The following NAPEPLD variants were observed in gnomAD, a reference collection of about 807,000 sequenced individuals.
NAPEPLD encodes the protein N-acyl-phosphatidylethanolamine-hydrolyzing phospholipase D.
A neutral mutation model predicts 38.1 loss-of-function variants in NAPEPLD; 23 were observed. The observed-to-expected ratio is 0.60, with a 90% CI of 0.43 to 0.86. NAPEPLD has a LOEUF of 0.86. Among genes scored for constraint, NAPEPLD ranks in the 40% least tolerant of loss-of-function variants. The pLI, the probability that NAPEPLD is intolerant of heterozygous loss-of-function variation, is 0.00. For missense variants in NAPEPLD, 411 were observed against 476.8 expected, an observed-to-expected ratio of 0.86 and a Z score of 1.28; for synonymous variants, 147 against 162.0, an observed-to-expected ratio of 0.91 and a Z score of 0.71.
chr7:103,143,270 T>G (rs1464791192), intron 1 of NAPEPLD, among the ~76,000 whole-genome samples: 3 of 151,788 alleles, frequency 2.0e-5, no homozygotes, highest in Non-Finnish European at 1.5e-5. Context: ...AGAAAAGTCT[T>G]GGGGAATAAT....
intron 4 of NAPEPLD, 92 bp downstream of exon 4, chr7:103,114,968 A>G: frequency 1.1e-6 from 1 of 880,060 alleles, no homozygotes. Flanking sequence ...ATCTGATTCC[A>G]GAGTCTTGGG....
At chr7:103,110,867 C>T (rs1804375263) in intron 4 of NAPEPLD, among the ~76,000 whole-genome samples, 1 of 151,312 alleles carries the variant, frequency 6.6e-6, no homozygotes, top group Non-Finnish European at 1.5e-5. Context: ...AGCTGATAAG[C>T]AACTTCAGCA....
chr7:103,128,349 T>C (rs917245945), intron 2 of NAPEPLD, 134 bp downstream of exon 2: 11 of 1,034,936 alleles, frequency 1.1e-5, no homozygotes, highest in Non-Finnish European at 1.5e-5. Flanking sequence ...CGATGAACTT[T>C]AGGGCCTAGG....
rs1444256245 is a variant in NAPEPLD, at chr7:103,100,252, C to T, written c.*3177G>A. 1 of 152,130 alleles carries T rather than the reference C, an allele frequency of 6.6e-6. No individual in the cohort carries two copies. Among genetic ancestry groups the T allele is most frequent in the Admixed American group, 6.6e-5 (1 of 15,266 alleles). 9.4% of individuals were successfully genotyped at this position (152,130 alleles called of 1,614,324 possible). ...CTTTATAACGGTTTTTTCAAATCTACCTCCCTATTTAATGAAAGCATATTC... is the reference window on the plus strand; with the variant it reads ...CTTTATAACGGTTTTTTCAAATCTATCTCCCTATTTAATGAAAGCATATTC... On this transcript the variant is annotated 3_prime_UTR_variant, in exon 5 of 5. Transcript: ENST00000465647.
chr7:103,136,455 C>T (rs1563367871), intron 1 of NAPEPLD, among the ~76,000 whole-genome samples: 1 of 151,218 alleles, frequency 6.6e-6, no homozygotes, highest in Non-Finnish European at 1.5e-5. Flanking sequence ...TGTATGGCAG[C>T]CCGAACCTGT....
chr7:103,149,296 C>T (rs985797356), upstream of NAPEPLD: 21 of 1,079,850 alleles, frequency 1.9e-5, no homozygotes, highest in African/African-American at 1.9e-4. Flanking sequence ...TTGGGGTGGC[C>T]GGGAGCGCGC....
At chr7:103,132,886 T>C (rs1291991759) in intron 1 of NAPEPLD, among the ~76,000 whole-genome samples, 1 of 152,206 alleles carries the variant, frequency 6.6e-6, no homozygotes, top group African/African-American at 2.4e-5. Flanking sequence ...AAGTTGTCTA[T>C]TCACACAATC....
intron 1 of NAPEPLD, among the ~76,000 whole-genome samples, chr7:103,142,403 C>T (rs180942809): frequency 1.7e-3 from 254 of 152,096 alleles, no homozygotes; most frequent in Non-Finnish European, 3.0e-3. Flanking sequence ...GTCAGGAGTT[C>T]GAGACCAGCC....
At chr7:103,130,415 A>G (rs1808690451) in intron 1 of NAPEPLD, among the ~76,000 whole-genome samples, 1 of 152,208 alleles carries the variant, frequency 6.6e-6, no homozygotes, top group South Asian at 2.1e-4. Flanking sequence ...AACAAGATTT[A>G]TACTTTGGGC....
At chr7:103,141,367 C>T in intron 1 of NAPEPLD, 1 of 765,422 alleles carries the variant, frequency 1.3e-6, no homozygotes, top group East Asian at 2.5e-5. Flanking sequence ...TGGTCTCTTC[C>T]TCCTTGGACA....
upstream of NAPEPLD, chr7:103,149,613 C>CA: frequency 1.6e-6 from 1 of 644,952 alleles, no homozygotes; most frequent in African/African-American, 2.0e-5. Flanking sequence ...GCCGGGGCGC[C>CA]GAAGCCATCT....
chr7:103,149,512 CTTA>C, upstream of NAPEPLD: 3 of 1,261,172 alleles, frequency 2.4e-6, no homozygotes, highest in Non-Finnish European at 2.1e-6. Context: ...GGGTCACTCC[CTTA>C]TTATGACCTT....
At chr7:103,128,926 C>G in intron 1 of NAPEPLD, 134 bp from the exon 2 acceptor site, 1 of 977,648 alleles carries the variant, frequency 1.0e-6, no homozygotes, top group African/African-American at 1.6e-5. Context: ...CTGAAACTTT[C>G]TTCCTGCAAG....
Position 103,148,932 on chromosome 7 carries a change from T to G in NAPEPLD, c.-138A>C, listed in dbSNP as rs1425633719. ...TGCTGTGGCTCTTCACCGAGGCAGCTTCAGAGATGCAGGCTCCGCAACTCG... is the reference window on the plus strand; with the variant it reads ...TGCTGTGGCTCTTCACCGAGGCAGCGTCAGAGATGCAGGCTCCGCAACTCG... On this transcript the variant is annotated 5_prime_UTR_variant, in exon 1 of 5. Transcript: ENST00000465647. The G allele has an allele frequency of 2.0e-6, 2 of 985,156 alleles. No individual in the cohort carries two copies. Among genetic ancestry groups the G allele is most frequent in the African/African-American group, 3.5e-5 (2 of 57,190 alleles). The allele number at this position is 985,156 out of a possible 1,614,324, so 61.0% of individuals were successfully genotyped here. A position where few individuals can be genotyped will look rare whatever the true frequency, so the allele number is the denominator to read the frequency against.
At chr7:103,142,910 C>T (rs181370541) in intron 1 of NAPEPLD, among the ~76,000 whole-genome samples, 63 of 152,096 alleles carry the variant, frequency 4.1e-4, no homozygotes, top group Non-Finnish European at 7.8e-4. Flanking sequence ...CAGTGGAGAT[C>T]CCCACCAACT....
chr7:103,104,526 T>A (rs10245037), intron 4 of NAPEPLD, among the ~76,000 whole-genome samples: 1,931 of 152,320 alleles, frequency 0.013, 39 homozygotes, highest in African/African-American at 0.044. Flanking sequence ...TTGGTAACAG[T>A]TGTTGGCCAC....
At position 103,119,796 on chromosome 7, in the gene NAPEPLD, T is replaced by C; in HGVS notation, c.722A>G (p.His241Arg). The change falls in exon 3 of 5, where the codon CAT (histidine) becomes CGT (arginine). Residue 241 changes from histidine to arginine, a missense_variant. By Grantham distance (29) the His-to-Arg change is conservative. Transcript: ENST00000465647. ...DWWEENCVPG[H>R]DKVTFVFTPS... ...TGTAAAGACAAAAGTGACCTTATCA[T>C]GTCCGGGGACACAATTCTCCTCCCA... The C allele has an allele frequency of 1.2e-6, 2 of 1,614,184 alleles. No homozygotes were observed. Among genetic ancestry groups the C allele is most frequent in the African/African-American group, 1.3e-5 (1 of 75,056 alleles).
intron 1 of NAPEPLD, among the ~76,000 whole-genome samples, chr7:103,147,342 T>C (rs1486122536): frequency 3.3e-5 from 5 of 152,238 alleles, no homozygotes; most frequent in African/African-American, 9.6e-5. Context: ...AATACTTCAA[T>C]GAAAACACTT....
rs551289043 is a variant in NAPEPLD, at chr7:103,113,136, T to TACATA, written c.1056+1923_1056+1924insTATGT. 5.1e-4 allele frequency among the ~76,000 whole-genome samples: 77 copies of TACATA among 152,340 alleles called. 1 individual carries two copies. In the South Asian group the frequency reaches 8.9e-3, roughly 18 times the overall value. On this transcript the variant is annotated intron_variant, in intron 4 of 4. Transcript: ENST00000465647. ...CATTACTTCATCTAAGTCCCATATATATGGAATATACATAATGGAATATGT... is the reference window on the plus strand; with the variant it reads ...CATTACTTCATCTAAGTCCCATATATACATAATGGAATATACATAATGGAATATGT...
Sources: gnomAD v4.1 joint callset for allele counts (sites outside exome capture counted in the v4.1 genomes callset) on GRCh38, gnomAD v4.1.1 for gene constraint, MANE v1.5 for transcripts, NCBI Gene and HGNC (gene_info 2026-07-23, HGNC 2026-07-21) for gene names.